Variants in MECOM observed in about 807,000 individuals in gnomAD.
The protein encoded by MECOM is histone-lysine N-methyltransferase MECOM.
A neutral mutation model predicts 116.3 loss-of-function variants in MECOM; 13 were observed. That is an observed-to-expected ratio of 0.11 (90% CI 0.07 to 0.18). The LOEUF is 0.18. Among genes scored for constraint, MECOM ranks in the 10% least tolerant of loss-of-function variants. MECOM has a pLI of 1.00. For synonymous variants in MECOM, 528 were observed against 535.2 expected (o/e 0.99, Z 0.19); for missense variants, 1,299 against 1,509.0 (o/e 0.86, Z 2.31).
rs534973894 is a variant in MECOM, at chr3:169,489,454, A to G, written c.38-107930T>C. On this transcript the variant is annotated intron_variant, in intron 1 of 16. Transcript: ENST00000651503. Reference sequence around the variant, plus strand: ...TAAATGACTGAAACAATCTTGAGGAAGAGAAAGAGATTTGGCTTACAGATA... The same window carrying G: ...TAAATGACTGAAACAATCTTGAGGAGGAGAAAGAGATTTGGCTTACAGATA... Among the ~76,000 whole-genome samples, 498 of 152,334 alleles carry G rather than the reference A, an allele frequency of 3.3e-3. 4 individuals are homozygous for G. The highest frequency in any genetic ancestry group is 0.014 in the Middle Eastern group (4 of 294).
At chr3:169,529,706 T>C (rs145867555) in intron 1 of MECOM, among the ~76,000 whole-genome samples, 7 of 152,314 alleles carry the variant, frequency 4.6e-5, no homozygotes, top group African/African-American at 1.2e-4. Context: ...TTCGTTTGTT[T>C]TAGTAACTGA....
chr3:169,491,793 C>T (rs563297984), intron 1 of MECOM, among the ~76,000 whole-genome samples: 3 of 152,290 alleles, frequency 2.0e-5, no homozygotes, highest in Non-Finnish European at 2.9e-5. Context: ...CTTCTAGTTT[C>T]GTGTTTCAAT....
chr3:169,254,068 A>C (rs945078342), intron 2 of MECOM, among the ~76,000 whole-genome samples: 1 of 152,118 alleles, frequency 6.6e-6, no homozygotes, highest in Non-Finnish European at 1.5e-5. Context: ...AAATGACTTG[A>C]AATTCTCTCT....
chr3:169,273,702 C>T (rs998123522), intron 2 of MECOM, among the ~76,000 whole-genome samples: 12 of 152,056 alleles, frequency 7.9e-5, no homozygotes, highest in African/African-American at 2.9e-4. Context: ...ACATTCTACC[C>T]ACTTCTGGGT....
At chr3:169,347,155 A>G (rs1453509760) in intron 2 of MECOM, among the ~76,000 whole-genome samples, 1 of 152,086 alleles carries the variant, frequency 6.6e-6, no homozygotes, top group Non-Finnish European at 1.5e-5. Flanking sequence ...AAAGAGAAAC[A>G]ACATATATGC....
At chr3:169,440,589 A>T (rs1287840604) in intron 1 of MECOM, among the ~76,000 whole-genome samples, 1 of 151,956 alleles carries the variant, frequency 6.6e-6, no homozygotes, top group Non-Finnish European at 1.5e-5. Flanking sequence ...GGAAGACAAC[A>T]CTCTAAATAG....
chr3:169,263,422 C>T (rs1193556266), intron 2 of MECOM, among the ~76,000 whole-genome samples: 1 of 151,564 alleles, frequency 6.6e-6, no homozygotes, highest in Non-Finnish European at 1.5e-5. Context: ...GCCACCGCGC[C>T]CTGCCAAGAT....
chr3:169,360,321 AAAAAAAAAAAG>A (rs1728075650), intron 2 of MECOM, among the ~76,000 whole-genome samples: 2 of 146,164 alleles, frequency 1.4e-5, no homozygotes, highest in African/African-American at 4.9e-5. Context: ...AGTTACACCA[AAAAAAAAAAAG>A]AAAAAAAAAA....
At chr3:169,196,604 C>G (rs1748437501) in intron 2 of MECOM, among the ~76,000 whole-genome samples, 1 of 151,960 alleles carries the variant, frequency 6.6e-6, no homozygotes, top group East Asian at 1.9e-4. Context: ...AAATGAGTAG[C>G]ATTCACACTT....
At chr3:169,477,101 GTGTGTA>G (rs1262965871) in intron 1 of MECOM, 12 of 51,636 alleles carry the variant, frequency 2.3e-4, no homozygotes, top group Non-Finnish European at 3.2e-4. Context: ...GTGTGTGTGT[GTGTGTA>G]TATATATATA....
intron 2 of MECOM, among the ~76,000 whole-genome samples, chr3:169,276,580 A>G (rs1759607184): frequency 1.3e-5 from 2 of 149,968 alleles, no homozygotes; most frequent in African/African-American, 2.4e-5. Flanking sequence ...AAAAAAGTCT[A>G]CAACATGACA....
intron 2 of MECOM, among the ~76,000 whole-genome samples, chr3:169,241,727 C>T (rs1754834559): frequency 6.6e-6 from 1 of 152,024 alleles, no homozygotes; most frequent in Non-Finnish European, 1.5e-5. Flanking sequence ...CCACTAATAC[C>T]CAGGAAAGAA....
In MECOM at chr3:169,116,544, A is replaced by T; in HGVS notation, c.1328T>A (p.Ile443Asn). Residue 443 changes from isoleucine to asparagine, a missense_variant, in exon 8 of 17, where the codon ATT (isoleucine) becomes AAT (asparagine). Physicochemically the swap from Ile to Asn is moderately radical, Grantham distance 149. This residue lies in a region of MECOM where 238 missense variants were observed against 273.1 expected (regional missense o/e 0.87). Coordinates refer to ENST00000651503, the MANE Select transcript of MECOM (RefSeq NM_004991.4). ...FAAGGFFGQG[I>N]SLPGTPAMDK... ...CATAGCTGGGGTTCCAGGAAGTGAAATGCCTTGGCCAAAAAATCCACCTGC... is the reference window on the plus strand; with the variant it reads ...CATAGCTGGGGTTCCAGGAAGTGAATTGCCTTGGCCAAAAAATCCACCTGC... 1.2e-6 allele frequency: 2 copies of T among 1,614,156 alleles called. No individual in the cohort carries two copies. The highest frequency in any genetic ancestry group is 1.7e-6 in the Non-Finnish European group (2 of 1,180,014).
At chr3:169,242,632 T>G (rs1173733826) in intron 2 of MECOM, among the ~76,000 whole-genome samples, 1 of 152,046 alleles carries the variant, frequency 6.6e-6, no homozygotes, top group East Asian at 1.9e-4. Flanking sequence ...ACTTATCGTC[T>G]ATCATACTGA....
chr3:169,223,267 ATCCCTCC>A (rs1752337067), intron 2 of MECOM, among the ~76,000 whole-genome samples: 1 of 87,008 alleles, frequency 1.1e-5, no homozygotes, highest in Non-Finnish European at 2.6e-5. Context: ...TCCTAATGCT[ATCCCTCC>A]CCCCTCCCCC....
chr3:169,354,523 T>A (rs1332742828), intron 2 of MECOM, among the ~76,000 whole-genome samples: 2 of 151,978 alleles, frequency 1.3e-5, no homozygotes, highest in Non-Finnish European at 2.9e-5. Flanking sequence ...ATTTCTCTTT[T>A]TAAGTTTAGT....
chr3:169,423,912 C>T (rs1449266613), intron 1 of MECOM, among the ~76,000 whole-genome samples: 2 of 152,104 alleles, frequency 1.3e-5, no homozygotes, highest in Non-Finnish European at 2.9e-5. Flanking sequence ...AATATGTAAT[C>T]TAGAACCAAA....
chr3:169,403,117 A>G (rs1438160170), intron 1 of MECOM, among the ~76,000 whole-genome samples: 2 of 152,230 alleles, frequency 1.3e-5, no homozygotes, highest in African/African-American at 2.4e-5. Context: ...AACATTCTCT[A>G]TACAGCGTTC....
At chr3:169,632,403 T>A in intron 1 of MECOM, among the ~76,000 whole-genome samples, 1 of 149,668 alleles carries the variant, frequency 6.7e-6, no homozygotes. Flanking sequence ...GAAAAAAAAA[T>A]AGATTTATAG....
Sources: allele counts gnomAD v4.1 joint callset (sites outside exome capture counted in the v4.1 genomes callset), GRCh38; gene constraint gnomAD v4.1.1; regional missense constraint gnomAD v4.1.1; transcripts MANE v1.5; gene names NCBI Gene and HGNC (gene_info 2026-07-23, HGNC 2026-07-21).